ZNF546: variants seen among roughly 807,000 people sequenced by gnomAD.
The protein encoded by ZNF546 is CTC-471F3.6.
ZNF546 carries 60 observed loss-of-function variants against 76.2 expected under a neutral mutation model. The ratio of observed to expected loss-of-function variants is 0.79; its 90% CI spans 0.64 to 0.98. The LOEUF (loss-of-function observed/expected upper bound fraction) is 0.98, where lower values mean the gene tolerates loss of function less well. Among genes scored for constraint, ZNF546 ranks in the 50% least tolerant of loss-of-function variants. ZNF546 has a pLI of 0.00. For synonymous variants in ZNF546, 277 were observed against 328.1 expected (o/e 0.84, Z 1.68); for missense variants, 936 against 1,035.6 (o/e 0.90, Z 1.32).
At chr19:39,998,916 G>GCA (rs1971490952) in intron 3 of ZNF546, among the ~76,000 whole-genome samples, 1 of 152,074 alleles carries the variant, frequency 6.6e-6, no homozygotes, top group African/African-American at 2.4e-5. Context: ...GGGATTACAG[G>GCA]CGCCTGCCAC....
At chr19:40,003,634 T>C (rs1196873359) in intron 3 of ZNF546, among the ~76,000 whole-genome samples, 1 of 152,188 alleles carries the variant, frequency 6.6e-6, no homozygotes, top group African/African-American at 2.4e-5. Flanking sequence ...TGCAATATAT[T>C]AGCATACATG....
chr19:40,005,472 T>G (rs1415881077), intron 3 of ZNF546, among the ~76,000 whole-genome samples: 2 of 152,218 alleles, frequency 1.3e-5, no homozygotes, highest in Non-Finnish European at 2.9e-5. Context: ...CCCTGTGATG[T>G]TGCTCATCTG....
In ZNF546 at chr19:40,015,125, C is replaced by T. The variant is rs765037445; in HGVS notation, c.1855C>T (p.Arg619Ter). The change falls in exon 7 of 7, where the codon CGA becomes TGA. Residue 619 changes from arginine (R) to a stop codon, truncating the protein, a stop_gained. Coordinates refer to ENST00000347077, the MANE Select transcript of ZNF546 (RefSeq NM_178544.5). LOFTEE classifies it high-confidence loss of function. ...YICNECGKAFRFQTELTQHHR... is the reference protein window; with the variant it reads ...YICNECGKAF ...ATGTAATGAATGTGGGAAAGCCTTT[C>T]GATTTCAAACAGAACTTACTCAGCA... is the stretch of plus-strand genomic sequence containing the variant. 1.2e-5 allele frequency: 20 copies of T among 1,612,828 alleles called. No homozygotes were observed. The Middle Eastern group carries it at 4.9e-4, about 40-fold the overall frequency.
At chr19:40,009,512 CAT>C (rs944191921) in intron 6 of ZNF546, among the ~76,000 whole-genome samples, 19 of 152,124 alleles carry the variant, frequency 1.2e-4, no homozygotes, top group African/African-American at 3.1e-4. Context: ...GTTTTATTGA[CAT>C]ATAATTAGCA....
At chr19:40,011,595 T>C (rs966091369) in intron 6 of ZNF546, among the ~76,000 whole-genome samples, 7 of 152,330 alleles carry the variant, frequency 4.6e-5, no homozygotes, top group Non-Finnish European at 1.0e-4. Flanking sequence ...CCAGAAACTT[T>C]AAGATAAGGG....
intron 4 of ZNF546, among the ~76,000 whole-genome samples, chr19:40,007,007 G>A (rs2144643098): frequency 6.6e-6 from 1 of 152,282 alleles, no homozygotes. Flanking sequence ...GAGGATGATG[G>A]AACTTGCATT....
intron 6 of ZNF546, 92 bp downstream of exon 6, chr19:40,008,657 C>A: frequency 1.0e-6 from 1 of 1,003,544 alleles, no homozygotes; most frequent in Non-Finnish European, 1.5e-6. Context: ...GTTTGGAAAG[C>A]TCCCTTCAAA....
In ZNF546 at chr19:40,016,848, C is replaced by T. The variant is rs1301369778; in HGVS notation, c.*1067C>T. ...TATAATTCTCATAATTCCACCTCTG[C>T]CTATGTGGTGTTTGGCAAAACATGC... On this transcript the variant is annotated 3_prime_UTR_variant, in exon 7 of 7. Transcript: ENST00000347077. 6.6e-6 allele frequency: 1 copy of T among 152,146 alleles called. No individual in the cohort carries two copies. The highest frequency in any genetic ancestry group is 1.5e-5 in the Non-Finnish European group (1 of 68,040). The allele number at this position is 152,146 out of a possible 1,614,324, so 9.4% of individuals were successfully genotyped here.
At chr19:40,009,679 A>G (rs958671173) in intron 6 of ZNF546, among the ~76,000 whole-genome samples, 3 of 152,134 alleles carry the variant, frequency 2.0e-5, no homozygotes, top group African/African-American at 7.2e-5. Context: ...GTAAGCACTG[A>G]TCATCTCTCT....
At position 40,013,772 on chromosome 19, in the gene ZNF546, G is replaced by A. The variant is rs1450286104; in HGVS notation, c.502G>A (p.Glu168Lys). 1.9e-6 allele frequency: 3 copies of A among 1,612,964 alleles called. No individual in the cohort carries two copies. Among genetic ancestry groups the A allele is most frequent in the Non-Finnish European group, 1.7e-6 (2 of 1,179,870 alleles). ...TGEKSKNTIH[E>K]DTIFRNGLQC... ...GGAAAAAAGTAAAAACACCATCCAT[G>A]AGGACACCATTTTCAGAAATGGTTT... Residue 168 changes from glutamate (E) to lysine (K), a missense_variant, in exon 7 of 7, where the codon GAG becomes AAG. Coordinates refer to ENST00000347077, the MANE Select transcript of ZNF546 (RefSeq NM_178544.5).
chr19:40,007,473 A>G (rs761733007), intron 5 of ZNF546, 73 bp downstream of exon 5: 26 of 1,405,352 alleles, frequency 1.9e-5, no homozygotes, highest in Non-Finnish European at 2.4e-5. Flanking sequence ...AAACTTTAGA[A>G]CTCTGTTTTA....
rs368847649 is a variant in ZNF546 at position 40,014,649 on chromosome 19, A to T, written c.1379A>T (p.His460Leu). 15 of 1,613,388 alleles carry T rather than the reference A, an allele frequency of 9.3e-6. No homozygotes were observed. The highest frequency in any genetic ancestry group is 1.3e-5 in the Non-Finnish European group (15 of 1,179,708). ...FRLQTELTRHHRTHTGEKPYE... is the reference protein window; with the variant it reads ...FRLQTELTRHLRTHTGEKPYE... Reference sequence around the variant, plus strand: ...CTTCAAACGGAACTTACTCGGCATCATAGAACTCATACTGGTGAGAAACCC... The same window carrying T: ...CTTCAAACGGAACTTACTCGGCATCTTAGAACTCATACTGGTGAGAAACCC... The change falls in exon 7 of 7, where the codon CAT (histidine) becomes CTT (leucine). Residue 460 changes from histidine (H) to leucine (L), a missense_variant. Physicochemically the swap from His to Leu is moderately conservative, Grantham distance 99 (BLOSUM62 -3). Transcript: ENST00000347077.
At chr19:40,008,083 G>A (rs151074537) in intron 5 of ZNF546, among the ~76,000 whole-genome samples, 57 of 152,180 alleles carry the variant, frequency 3.7e-4, no homozygotes, top group African/African-American at 1.3e-3. Context: ...CTAAGAAGTC[G>A]GTAATATCAG....
At chr19:39,997,680 C>T (rs1426785535) in intron 1 of ZNF546, among the ~76,000 whole-genome samples, 181 bp from the exon 2 acceptor site, 2 of 152,308 alleles carry the variant, frequency 1.3e-5, no homozygotes, top group South Asian at 2.1e-4. Context: ...TACCTTTGAT[C>T]TAGAAACCTG....
intron 6 of ZNF546, among the ~76,000 whole-genome samples, chr19:40,013,118 T>C (rs1971693097): frequency 6.6e-6 from 1 of 152,214 alleles, no homozygotes; most frequent in African/African-American, 2.4e-5. Context: ...CGGCCTATTT[T>C]ACAATTCTTA....
At chr19:40,010,347 G>A (rs906559691) in intron 6 of ZNF546, among the ~76,000 whole-genome samples, 2 of 151,286 alleles carry the variant, frequency 1.3e-5, no homozygotes, top group Non-Finnish European at 1.5e-5. Flanking sequence ...AGGTTGCAGT[G>A]AGCCGAGATT....
rs77729311 is a variant in ZNF546 at position 40,013,661 on chromosome 19, G to A, written c.395-4G>A. The A allele has an allele frequency of 4.7e-5, 20 of 426,686 alleles. No homozygotes were observed. In the Admixed American group the frequency reaches 2.1e-3, roughly 45 times the overall value. The allele number at this position is 426,686 out of a possible 1,614,324, so 26.4% of individuals were successfully genotyped here. A position where few individuals can be genotyped will look rare whatever the true frequency, so the allele number is the denominator to read the frequency against. On this transcript the variant is annotated splice_region_variant and splice_polypyrimidine_tract_variant and intron_variant, in intron 6 of 6. Coordinates refer to ENST00000347077, the MANE Select transcript of ZNF546 (RefSeq NM_178544.5). ...TTTGCTTTTTTTTTTTTTTTTTTTT[G>A]CAGATTTGGAATACAAGTATATTAC...
rs1971781336 is a variant in ZNF546, at chr19:40,017,101, T to C, written c.*1320T>C. On this transcript the variant is annotated 3_prime_UTR_variant, in exon 7 of 7. Coordinates refer to ENST00000347077, the MANE Select transcript of ZNF546 (RefSeq NM_178544.5). The stretch of plus-strand genomic sequence containing the variant: ...GTAAAAACTGTCCATTACCTTTCAC[T>C]CCTTATTTAGATTGGAATAATTAAC... 1 of 152,204 alleles carries C rather than the reference T, an allele frequency of 6.6e-6. No homozygotes were observed. The allele number at this position is 152,204 out of a possible 1,614,324, so 9.4% of individuals were successfully genotyped here. A position where few individuals can be genotyped will look rare whatever the true frequency, so the allele number is the denominator to read the frequency against.
rs568202703 is a variant in ZNF546, at chr19:40,015,308, C to T, written c.2038C>T (p.Leu680Phe). 4 of 1,614,122 alleles carry T rather than the reference C, an allele frequency of 2.5e-6. No homozygotes were observed. The highest frequency in any genetic ancestry group is 1.7e-5 in the Admixed American group (1 of 60,010). ...CGKTFSRHYH[L>F]TQHHRGHTGE... is the part of the protein sequence containing the mutation. The stretch of plus-strand genomic sequence containing the variant: ...GAAGACGTTTAGTCGGCACTATCAT[C>T]TTACTCAACATCACAGAGGCCATAC... Residue 680 changes from leucine to phenylalanine, a missense_variant, in exon 7 of 7, where the codon CTT (leucine) becomes TTT (phenylalanine). Coordinates refer to ENST00000347077, the MANE Select transcript of ZNF546 (RefSeq NM_178544.5).
Sources: gnomAD v4.1 joint callset for allele counts (sites outside exome capture counted in the v4.1 genomes callset) on GRCh38, gnomAD v4.1.1 for gene constraint, MANE v1.5 for transcripts, NCBI Gene and HGNC (gene_info 2026-07-23, HGNC 2026-07-21) for gene names.